Variants in SMPD4 observed in about 807,000 individuals in gnomAD.
SMPD4 encodes sphingomyelin phosphodiesterase 4.
A neutral mutation model predicts 97.8 loss-of-function variants in SMPD4; 58 were observed. The ratio of observed to expected loss-of-function variants is 0.59; its 90% CI spans 0.48 to 0.74. The LOEUF (loss-of-function observed/expected upper bound fraction) is 0.74, where lower values mean the gene tolerates loss of function less well. SMPD4 is among the 30% of genes least tolerant of loss of function. The pLI is 0.00. For synonymous variants in SMPD4, 388 were observed against 450.0 expected, an observed-to-expected ratio of 0.86 and a Z score of 1.74; for missense variants, 853 against 1,080.5, an observed-to-expected ratio of 0.79 and a Z score of 2.95.
intron 13 of SMPD4, 25 bp from the exon 14 acceptor site, chr2:130,156,160 G>A (rs1686771786): frequency 6.3e-7 from 1 of 1,583,136 alleles, no homozygotes; most frequent in African/African-American, 1.3e-5. Flanking sequence ...TGTGCTAAGG[G>A]CTCCGTGGCT....
At chr2:130,172,233 A>G (rs1688539990) in intron 8 of SMPD4, 116 bp downstream of exon 8, 2 of 1,180,148 alleles carry the variant, frequency 1.7e-6, no homozygotes, top group African/African-American at 1.5e-5. Flanking sequence ...GGAATGAGGC[A>G]TAAGAAAAAT....
chr2:130,160,947 C>G (rs1451362549), intron 11 of SMPD4, among the ~76,000 whole-genome samples: 1 of 152,168 alleles, frequency 6.6e-6, no homozygotes, highest in Admixed American at 6.5e-5. Flanking sequence ...CAGCCAGGGC[C>G]ACATGCCCAC....
intron 16 of SMPD4, 125 bp from the exon 17 acceptor site, chr2:130,154,060 T>C (rs1265626466): frequency 1.8e-6 from 2 of 1,123,548 alleles, no homozygotes; most frequent in East Asian, 2.6e-5. Flanking sequence ...AGAAGACTTT[T>C]AAAGACTAAA....
At chr2:130,154,718 G>A in intron 15 of SMPD4, 1 of 593,504 alleles carries the variant, frequency 1.7e-6, no homozygotes, top group Non-Finnish European at 3.0e-6. Flanking sequence ...TAAACAACAG[G>A]AGGATCGACA....
At chr2:130,173,238 C>T (rs767464333) in intron 5 of SMPD4, 41 bp downstream of exon 5, 12 of 1,589,664 alleles carry the variant, frequency 7.5e-6, no homozygotes, top group Middle Eastern at 3.3e-4. Flanking sequence ...GTGCAAGGCC[C>T]ACTGCCCCGA....
chr2:130,180,921 A>C (rs1406181869), intron 1 of SMPD4, among the ~76,000 whole-genome samples: 1 of 152,160 alleles, frequency 6.6e-6, no homozygotes, highest in Non-Finnish European at 1.5e-5. Context: ...ATGCACCTAG[A>C]GTCCACTTCA....
At chr2:130,161,707 C>T (rs1350538464) in intron 10 of SMPD4, among the ~76,000 whole-genome samples, 4 of 152,182 alleles carry the variant, frequency 2.6e-5, no homozygotes. Flanking sequence ...AAATGCAAAC[C>T]AGAGCCCTCC....
At position 130,162,736 on chromosome 2, in the gene SMPD4, G is replaced by A. The variant is rs34675350; in HGVS notation, c.865-1464C>T. Reference sequence around the variant, plus strand: ...CGTGTAGCACAGGCCTGGACAAGCGGCAAGAAGCCTTGGGAGACACAGACC... The same window carrying A: ...CGTGTAGCACAGGCCTGGACAAGCGACAAGAAGCCTTGGGAGACACAGACC... On this transcript the variant is annotated intron_variant, in intron 10 of 19. Coordinates refer to ENST00000680298, the MANE Select transcript of SMPD4 (RefSeq NM_017951.5). Among the ~76,000 whole-genome samples the A allele has an allele frequency of 4.0e-3, 606 of 152,332 alleles. 4 individuals carry two copies. Among genetic ancestry groups the A allele is most frequent in the African/African-American group, 0.014 (565 of 41,576 alleles).
At chr2:130,173,244 C>T in intron 5 of SMPD4, 35 bp downstream of exon 5, 1 of 1,601,750 alleles carries the variant, frequency 6.2e-7, no homozygotes, top group Non-Finnish European at 8.6e-7. Context: ...GGCCCACTGC[C>T]CCGAGCACCA....
At position 130,181,046 on chromosome 2, in the gene SMPD4, C is replaced by A. The variant is rs566523483; in HGVS notation, c.-46+484G>T. Among the ~76,000 whole-genome samples, 471 of 152,280 alleles carry A rather than the reference C, an allele frequency of 3.1e-3. 1 individual carries two copies. Among genetic ancestry groups the A allele is most frequent in the African/African-American group, 0.011 (450 of 41,566 alleles). ...CTTGGGCAACGCTAATCATTCCAAG[C>A]AAATTCTGTCATGCCAAGACCTCCC... On this transcript the variant is annotated intron_variant, in intron 1 of 19. Transcript: ENST00000680298.
intron 10 of SMPD4, among the ~76,000 whole-genome samples, chr2:130,162,043 T>C (rs1687474438): frequency 6.6e-6 from 1 of 152,170 alleles, no homozygotes; most frequent in Non-Finnish European, 1.5e-5. Context: ...TCCACCCTCA[T>C]AGTCTGGACG....
In SMPD4 at chr2:130,173,550, A is replaced by G. The variant is rs908379216; in HGVS notation, c.233T>C (p.Val78Ala). 6.2e-7 allele frequency: 1 copy of G among 1,612,708 alleles called. No individual in the cohort carries two copies. The highest frequency in any genetic ancestry group is 8.5e-7 in the Non-Finnish European group (1 of 1,179,246). Residue 78 changes from valine to alanine, a missense_variant, in exon 4 of 20, where the codon GTG becomes GCG. Around this residue, in one of 3 missense-constraint regions of SMPD4, gnomAD observed 313 missense variants for 402.2 expected, o/e 0.78. Coordinates refer to ENST00000680298, the MANE Select transcript of SMPD4 (RefSeq NM_017951.5). ...AAATTCCATCACGATGCTGTACTCCACAGGATTCACGCGCCCCTGTAAGCA... is the reference window on the plus strand; with the variant it reads ...AAATTCCATCACGATGCTGTACTCCGCAGGATTCACGCGCCCCTGTAAGCA... The part of the protein sequence containing the change: ...LRCLQGRVNP[V>A]EYSIVMEFLD...
chr2:130,159,956 A>G (rs937189197), intron 11 of SMPD4, among the ~76,000 whole-genome samples: 1 of 152,146 alleles, frequency 6.6e-6, no homozygotes, highest in Non-Finnish European at 1.5e-5. Context: ...CGGCAGTCAC[A>G]TGGAACCCTC....
rs11898176 is a variant in SMPD4, at chr2:130,154,380, G to A, written c.1556C>T (p.Pro519Leu). 2.0e-3 allele frequency: 3,242 copies of A among 1,609,210 alleles called. 42 individuals carry two copies. In the African/African-American group the frequency reaches 0.037, roughly 18 times the overall value. The change falls in exon 16 of 20, where the codon CCA becomes CTA. Residue 519 changes from proline to leucine, a missense_variant. By Grantham distance (98) the Pro-to-Leu change is moderately conservative (BLOSUM62 -3). This residue lies in a region of SMPD4 where 511 missense variants were observed against 608.1 expected (regional missense o/e 0.84). Coordinates refer to ENST00000680298, the MANE Select transcript of SMPD4 (RefSeq NM_017951.5). ...CTTGAAGGAGGCATCAGTGACCGCTGGTGGCCAGGGTGACAGGAAGCTCCC... is the reference window on the plus strand; with the variant it reads ...CTTGAAGGAGGCATCAGTGACCGCTAGTGGCCAGGGTGACAGGAAGCTCCC... ...FTGSFLSPWP[P>L]AVTDASFKVK...
At chr2:130,179,386 G>A (rs1467908950) in intron 1 of SMPD4, among the ~76,000 whole-genome samples, 1 of 152,090 alleles carries the variant, frequency 6.6e-6, no homozygotes, top group African/African-American at 2.4e-5. Flanking sequence ...CTCCCAAAGT[G>A]ATGGGCTTAC....
rs1410209038 is a variant in SMPD4 at position 130,164,373 on chromosome 2, C to T, written c.864+1G>A. ...GGTGGGAAGAAAAACTGAAAACATA[C>T]CTTGGCATGAGGGGACTGCATTTTT... On this transcript the variant is annotated splice_donor_variant, in intron 10 of 19. Transcript: ENST00000680298. LOFTEE classifies it high-confidence loss of function. 1 of 1,613,752 alleles carries T rather than the reference C, an allele frequency of 6.2e-7. No homozygotes were observed. The highest frequency in any genetic ancestry group is 1.7e-5 in the Admixed American group (1 of 60,002).
intron 2 of SMPD4, among the ~76,000 whole-genome samples, chr2:130,175,529 C>T (rs567275197): frequency 5.3e-5 from 8 of 152,032 alleles, no homozygotes; most frequent in Non-Finnish European, 1.2e-4. Flanking sequence ...ACCACTAAAC[C>T]AATGATCTTA....
Position 130,153,844 on chromosome 2 carries a change from A to T in SMPD4, c.1751T>A (p.Phe584Tyr). Residue 584 changes from phenylalanine (F) to tyrosine (Y), a missense_variant, in exon 17 of 20, where the codon TTC becomes TAC. Around this residue, in one of 3 missense-constraint regions of SMPD4, gnomAD observed 511 missense variants for 608.1 expected, o/e 0.84. Coordinates refer to ENST00000680298, the MANE Select transcript of SMPD4 (RefSeq NM_017951.5). ...GGAGCTAAAGCCCAGCCATGAGAGG[A>T]AGGAGTGGCCAGCCGGGCTCTCCGC... ...QCAESPAGHS[F>Y]LSWLGFSSMD... 6.2e-7 allele frequency: 1 copy of T among 1,613,926 alleles called. No homozygotes were observed. The highest frequency in any genetic ancestry group is 1.7e-5 in the Admixed American group (1 of 60,024).
At chr2:130,170,330 T>TA (rs1221018793) in intron 8 of SMPD4, among the ~76,000 whole-genome samples, 4 of 151,104 alleles carry the variant, frequency 2.6e-5, no homozygotes, top group African/African-American at 9.7e-5. Flanking sequence ...CTACTAAAGA[T>TA]ACAAAAATTA....
Sources: allele counts gnomAD v4.1 joint callset (sites outside exome capture counted in the v4.1 genomes callset), GRCh38; gene constraint gnomAD v4.1.1; regional missense constraint gnomAD v4.1.1; transcripts MANE v1.5; gene names NCBI Gene and HGNC (gene_info 2026-07-23, HGNC 2026-07-21).